TLL1: variants seen among roughly 807,000 people sequenced by gnomAD.
TLL1 encodes the protein tolloid like 1.
A neutral mutation model predicts 128.2 loss-of-function variants in TLL1; 49 were observed. The observed-to-expected ratio is 0.38, with a 90% CI of 0.30 to 0.48. The LOEUF (loss-of-function observed/expected upper bound fraction) is 0.48. Among genes scored for constraint, TLL1 ranks in the 20% least tolerant of loss-of-function variants. The probability of loss-of-function intolerance (pLI) is 0.96; values close to 1 mark genes in which losing one functional copy is unlikely to be tolerated. For missense variants in TLL1, 1,123 were observed against 1,242.0 expected, an observed-to-expected ratio of 0.90 and a Z score of 1.44; for synonymous variants, 454 against 418.8, an observed-to-expected ratio of 1.08 and a Z score of -1.03.
At chr4:166,032,564 C>G (rs1423014066) in intron 9 of TLL1, among the ~76,000 whole-genome samples, 3 of 152,046 alleles carry the variant, frequency 2.0e-5, no homozygotes, top group Admixed American at 2.0e-4. Flanking sequence ...TTGTAAGGAT[C>G]ATTTTTCAAA....
chr4:166,005,746 AT>A (rs76106094), intron 6 of TLL1, among the ~76,000 whole-genome samples: 28,031 of 151,792 alleles, frequency 0.18, 2,924 homozygotes, highest in East Asian at 0.37. Context: ...TTTGCCAAAC[AT>A]TTAATTACGT....
At chr4:166,081,740 TA>T (rs2111146044) in intron 18 of TLL1, among the ~76,000 whole-genome samples, 1 of 145,396 alleles carries the variant, frequency 6.9e-6, no homozygotes, top group East Asian at 1.9e-4. Flanking sequence ...TCAAAGTTGT[TA>T]TTTTTTTTTT....
At chr4:166,033,108 G>T (rs765755636) in intron 9 of TLL1, among the ~76,000 whole-genome samples, 1 of 152,038 alleles carries the variant, frequency 6.6e-6, no homozygotes, top group African/African-American at 2.4e-5. Flanking sequence ...ATAAAGATAC[G>T]CAACTCCTGA....
chr4:165,969,472 C>A (rs901462376), intron 1 of TLL1, among the ~76,000 whole-genome samples: 2 of 152,016 alleles, frequency 1.3e-5, no homozygotes, highest in Non-Finnish European at 2.9e-5. Context: ...AGTATTTATA[C>A]GTACACACAT....
chr4:166,069,757 A>G (rs1740727297), intron 16 of TLL1, among the ~76,000 whole-genome samples: 1 of 151,782 alleles, frequency 6.6e-6, no homozygotes. Context: ...TCATAAAATT[A>G]AGAAACTCTC....
At chr4:165,910,082 G>A (rs755093861) in intron 1 of TLL1, among the ~76,000 whole-genome samples, 4 of 152,130 alleles carry the variant, frequency 2.6e-5, no homozygotes, top group Non-Finnish European at 5.9e-5. Flanking sequence ...GAGGAATCAC[G>A]CTGTGGTGAA....
chr4:166,011,475 T>C (rs1737695137), intron 7 of TLL1, among the ~76,000 whole-genome samples: 1 of 151,600 alleles, frequency 6.6e-6, no homozygotes, highest in South Asian at 2.1e-4. Context: ...ATTTTGATTT[T>C]ATATCCCATG....
chr4:165,958,829 G>A (rs113207026), intron 1 of TLL1, among the ~76,000 whole-genome samples: 5,728 of 146,296 alleles, frequency 0.039, 246 homozygotes, highest in African/African-American at 0.12. Flanking sequence ...TTCTTCTAGG[G>A]TTTTTATGGT....
At position 166,100,927 on chromosome 4, in the gene TLL1, C is replaced by T; in HGVS notation, c.*51C>T. On this transcript the variant is annotated 3_prime_UTR_variant, in exon 21 of 21. Coordinates refer to ENST00000061240, the MANE Select transcript of TLL1 (RefSeq NM_012464.5). ...AGGAATGTGCATAATGGAGAGAAGACATATTTTTTTTAAAACTGAAGATAT... is the reference window on the plus strand; with the variant it reads ...AGGAATGTGCATAATGGAGAGAAGATATATTTTTTTTAAAACTGAAGATAT... 1.2e-5 allele frequency: 19 copies of T among 1,600,926 alleles called. No individual in the cohort carries two copies. Among genetic ancestry groups the T allele is most frequent in the Non-Finnish European group, 1.5e-5 (18 of 1,172,838 alleles).
At chr4:165,940,966 CTTATT>C (rs1290490302) in intron 1 of TLL1, among the ~76,000 whole-genome samples, 1 of 151,900 alleles carries the variant, frequency 6.6e-6, no homozygotes, top group Non-Finnish European at 1.5e-5. Flanking sequence ...TCTTAGATTG[CTTATT>C]TTATTATTTG....
intron 1 of TLL1, among the ~76,000 whole-genome samples, chr4:165,950,342 T>C (rs1242103690): frequency 6.6e-6 from 1 of 152,142 alleles, no homozygotes; most frequent in African/African-American, 2.4e-5. Context: ...TAGCATTCCC[T>C]TTGTCACTTA....
At chr4:166,048,900 C>T (rs1237715456) in intron 12 of TLL1, among the ~76,000 whole-genome samples, 1 of 152,202 alleles carries the variant, frequency 6.6e-6, no homozygotes. Flanking sequence ...CGAGCTGAAA[C>T]ATTCTAAACT....
At chr4:166,052,751 G>T (rs983112514) in intron 12 of TLL1, among the ~76,000 whole-genome samples, 1 of 151,908 alleles carries the variant, frequency 6.6e-6, no homozygotes, top group Non-Finnish European at 1.5e-5. Flanking sequence ...TTTAGCAGGG[G>T]AGGATAGTTT....
At chr4:166,036,202 A>G (rs1738990977) in intron 9 of TLL1, among the ~76,000 whole-genome samples, 1 of 152,134 alleles carries the variant, frequency 6.6e-6, no homozygotes, top group Admixed American at 6.6e-5. Context: ...AGACTCACAG[A>G]CACCCAGTCC....
chr4:165,916,602 C>T (rs1015770406), intron 1 of TLL1, among the ~76,000 whole-genome samples: 2 of 152,052 alleles, frequency 1.3e-5, no homozygotes, highest in Non-Finnish European at 2.9e-5. Context: ...TGTAGGGGTG[C>T]TTATTGTATG....
intron 1 of TLL1, among the ~76,000 whole-genome samples, chr4:165,931,463 A>C (rs1194411847): frequency 6.6e-6 from 1 of 152,140 alleles, no homozygotes. Context: ...TCACACCTGT[A>C]ATCCCAGCAC....
intron 1 of TLL1, among the ~76,000 whole-genome samples, chr4:165,938,288 T>G (rs998392860): frequency 6.6e-6 from 1 of 152,126 alleles, no homozygotes; most frequent in Non-Finnish European, 1.5e-5. Flanking sequence ...TAGGTTTCTC[T>G]TTTATTTCTG....
In TLL1 at chr4:165,873,566, G is replaced by A. The variant is rs1730586296; in HGVS notation, c.-339G>A. On this transcript the variant is annotated 5_prime_UTR_variant, in exon 1 of 21. Coordinates refer to ENST00000061240, the MANE Select transcript of TLL1 (RefSeq NM_012464.5). ...AGCCGCGGCCGCGGGAAGTTCGGCA[G>A]CCAGAAGGACGACCTGGCAGGCTGC... 5.6e-6 allele frequency: 1 copy of A among 178,220 alleles called. No homozygotes were observed. The highest frequency in any genetic ancestry group is 6.2e-5 in the Admixed American group (1 of 16,012). 11.0% of individuals were successfully genotyped at this position (178,220 alleles called of 1,614,324 possible).
At chr4:165,944,419 G>C (rs1006549157) in intron 1 of TLL1, among the ~76,000 whole-genome samples, 1 of 152,124 alleles carries the variant, frequency 6.6e-6, no homozygotes, top group Admixed American at 6.6e-5. Context: ...AGGAAGAAGC[G>C]TGATGTGTTC....
Sources: gnomAD v4.1 joint callset for allele counts (sites outside exome capture counted in the v4.1 genomes callset) on GRCh38, gnomAD v4.1.1 for gene constraint, MANE v1.5 for transcripts, NCBI Gene and HGNC (gene_info 2026-07-23, HGNC 2026-07-21) for gene names.